The following ZFHX3 variants were observed in gnomAD, a reference collection of about 807,000 sequenced individuals.
ZFHX3 encodes zinc finger homeobox 3, also known as zinc finger homeobox protein 3.
ZFHX3 carries 42 observed loss-of-function variants against 279.1 expected under a neutral mutation model. The observed-to-expected ratio is 0.15, with a 90% CI of 0.12 to 0.19. The LOEUF is 0.19. Among genes scored for constraint, ZFHX3 ranks in the 10% least tolerant of loss-of-function variants. The pLI is 1.00. For synonymous variants in ZFHX3, 2,293 were observed against 1,957.8 expected (o/e 1.17, Z -4.52); for missense variants, 4,981 against 4,754.0 (o/e 1.05, Z -1.40).
At chr16:73,058,145 G>A (rs1239577015) in intron 1 of ZFHX3, among the ~76,000 whole-genome samples, 1 of 143,628 alleles carries the variant, frequency 7.0e-6, no homozygotes, top group Non-Finnish European at 1.5e-5. Context: ...CAAACTCGCC[G>A]CGCGGGCCTC....
chr16:72,835,868 T>C (rs1257202404), intron 4 of ZFHX3, among the ~76,000 whole-genome samples: 1 of 152,210 alleles, frequency 6.6e-6, no homozygotes, highest in East Asian at 1.9e-4. Context: ...TCCAATCCTC[T>C]TGGCATTTTG....
At chr16:73,491,527 C>T (rs971809111) in intron 2 of ZFHX3, among the ~76,000 whole-genome samples, 21 of 152,190 alleles carry the variant, frequency 1.4e-4, no homozygotes, top group African/African-American at 3.9e-4. Flanking sequence ...ATTCAGAAAT[C>T]CGTGGCATCC....
At chr16:73,542,208 G>A (rs145661305) in intron 2 of ZFHX3, among the ~76,000 whole-genome samples, 2 of 152,100 alleles carry the variant, frequency 1.3e-5, no homozygotes, top group African/African-American at 4.8e-5. Context: ...ACTTTCAAGT[G>A]GCCTTAATGG....
intron 1 of ZFHX3, among the ~76,000 whole-genome samples, chr16:73,022,865 AT>A (rs1248748367): frequency 6.6e-6 from 1 of 151,738 alleles, no homozygotes; most frequent in Non-Finnish European, 1.5e-5. Flanking sequence ...AAATGGCCAA[AT>A]CCCCCGATTT....
At chr16:73,085,194 T>C (rs1279751615) in intron 8 of ZFHX3, among the ~76,000 whole-genome samples, 3 of 152,234 alleles carry the variant, frequency 2.0e-5, no homozygotes, top group Non-Finnish European at 4.4e-5. Context: ...AACAGCCACA[T>C]AGACCAATGG....
chr16:72,805,422 A>G (rs1410187595), intron 7 of ZFHX3, among the ~76,000 whole-genome samples: 1 of 152,178 alleles, frequency 6.6e-6, no homozygotes, highest in Non-Finnish European at 1.5e-5. Context: ...GCCGATACCT[A>G]GGCTCCCAAG....
intron 2 of ZFHX3, among the ~76,000 whole-genome samples, chr16:73,597,941 C>T (rs1258438820): frequency 6.6e-6 from 1 of 152,130 alleles, no homozygotes; most frequent in Non-Finnish European, 1.5e-5. Flanking sequence ...AATGTTGAAG[C>T]TGGCATTGCG....
intron 4 of ZFHX3, among the ~76,000 whole-genome samples, chr16:72,860,512 C>T (rs1396763386): frequency 6.6e-6 from 1 of 152,178 alleles, no homozygotes; most frequent in Non-Finnish European, 1.5e-5. Flanking sequence ...CTCACTGCAA[C>T]CTCTCCCTCC....
chr16:72,990,992 T>TAA (rs567600620), intron 1 of ZFHX3, among the ~76,000 whole-genome samples: 5 of 134,724 alleles, frequency 3.7e-5, no homozygotes, highest in Admixed American at 2.2e-4. Flanking sequence ...AAAATAAAAT[T>TAA]AAAAAAAAAA....
intron 1 of ZFHX3, among the ~76,000 whole-genome samples, chr16:73,724,070 T>C (rs1180173993): frequency 6.6e-6 from 1 of 152,230 alleles, no homozygotes; most frequent in Non-Finnish European, 1.5e-5. Context: ...TGTCCTTAAG[T>C]ATGAGACAGC....
At chr16:73,120,538 T>C (rs1966484085) in intron 7 of ZFHX3, among the ~76,000 whole-genome samples, 1 of 152,174 alleles carries the variant, frequency 6.6e-6, no homozygotes, top group Non-Finnish European at 1.5e-5. Flanking sequence ...TCTCCCAAAG[T>C]TCTGGGATTC....
At chr16:72,878,644 G>C (rs1274794486) in intron 4 of ZFHX3, among the ~76,000 whole-genome samples, 1 of 152,222 alleles carries the variant, frequency 6.6e-6, no homozygotes, top group African/African-American at 2.4e-5. Context: ...TCCAGCAATG[G>C]ATCACACTGT....
chr16:73,175,323 T>C (rs1020283344), intron 5 of ZFHX3, among the ~76,000 whole-genome samples: 2 of 152,152 alleles, frequency 1.3e-5, no homozygotes, highest in Non-Finnish European at 2.9e-5. Flanking sequence ...GAGGCTGCAG[T>C]GAGCTGAGAT....
At chr16:73,058,097 C>T (rs1965602265) in intron 1 of ZFHX3, among the ~76,000 whole-genome samples, 2 of 145,884 alleles carry the variant, frequency 1.4e-5, no homozygotes, top group South Asian at 4.2e-4. Flanking sequence ...CTCCCGCCCT[C>T]GGCCCGCGCC....
chr16:73,351,830 C>G lies in ZFHX3; in HGVS notation c.-1290-33494G>C, dbSNP rs951948607. Reference sequence around the variant, plus strand: ...TGACCTCCCAGAATAGTGCCCTCCCCCAAAAGACTGTCACTCAAAGCCTCT... The same window carrying G: ...TGACCTCCCAGAATAGTGCCCTCCCGCAAAAGACTGTCACTCAAAGCCTCT... On this transcript the variant is annotated intron_variant, in intron 3 of 17. Coordinates refer to the ZFHX3 transcript ENST00000641206. Among the ~76,000 whole-genome samples, 22 of 152,198 alleles carry G rather than the reference C, an allele frequency of 1.4e-4. 1 individual carries two copies. Among genetic ancestry groups the G allele is most frequent in the Non-Finnish European group, 1.5e-5 (1 of 68,044 alleles).
intron 1 of ZFHX3, among the ~76,000 whole-genome samples, chr16:73,705,948 T>A (rs777661750): frequency 7.9e-5 from 12 of 152,066 alleles, no homozygotes; most frequent in Non-Finnish European, 1.6e-4. Context: ...GAGACTCTTG[T>A]AAGGGCCTCC....
intron 1 of ZFHX3, among the ~76,000 whole-genome samples, chr16:73,013,130 G>C (rs756873033): frequency 1.3e-5 from 2 of 152,198 alleles, no homozygotes; most frequent in Non-Finnish European, 2.9e-5. Context: ...AAGAAGGGCA[G>C]AGAGGAGGCC....
chr16:73,388,539 G>C (rs1025253274), intron 3 of ZFHX3, among the ~76,000 whole-genome samples: 10 of 152,150 alleles, frequency 6.6e-5, no homozygotes, highest in Admixed American at 3.3e-4. Context: ...CACCACCACG[G>C]GTAAGTTGCC....
At chr16:73,430,119 G>A (rs777037122) in intron 3 of ZFHX3, among the ~76,000 whole-genome samples, 2 of 151,974 alleles carry the variant, frequency 1.3e-5, no homozygotes, top group Non-Finnish European at 2.9e-5. Flanking sequence ...CCAACTCCTG[G>A]CCTCAAGTGA....
Sources: gnomAD v4.1 joint callset for allele counts (sites outside exome capture counted in the v4.1 genomes callset) on GRCh38, gnomAD v4.1.1 for gene constraint, MANE v1.5 for transcripts, NCBI Gene and HGNC (gene_info 2026-07-23, HGNC 2026-07-21) for gene names.